Variants in FBXL17 observed in about 807,000 individuals in gnomAD.
The protein encoded by FBXL17 is F-box/LRR-repeat protein 17.
FBXL17 carries 22 observed loss-of-function variants against 66.2 expected under a neutral mutation model. The observed-to-expected ratio is 0.33, with a 90% CI of 0.24 to 0.47. The LOEUF is 0.47. FBXL17 is among the 20% of genes least tolerant of loss of function. The probability of loss-of-function intolerance (pLI) is 1.00; values close to 1 mark genes in which losing one functional copy is unlikely to be tolerated. For missense variants in FBXL17, 878 were observed against 948.2 expected, an observed-to-expected ratio of 0.93 and a Z score of 0.97; for synonymous variants, 474 against 400.5, an observed-to-expected ratio of 1.18 and a Z score of -2.19.
chr5:108,127,030 A>G (rs562686888), intron 6 of FBXL17, among the ~76,000 whole-genome samples: 1 of 152,232 alleles, frequency 6.6e-6, no homozygotes, highest in African/African-American at 2.4e-5. Flanking sequence ...AAATCAGACT[A>G]TATTTACTTC....
chr5:107,965,482 A>G (rs987594999), intron 7 of FBXL17, among the ~76,000 whole-genome samples: 3 of 152,138 alleles, frequency 2.0e-5, no homozygotes, highest in Admixed American at 1.3e-4. Context: ...ATAGAGGTCA[A>G]TGAGTGAGTA....
chr5:108,043,059 A>G (rs1747113989), intron 6 of FBXL17, among the ~76,000 whole-genome samples: 1 of 152,088 alleles, frequency 6.6e-6, no homozygotes. Flanking sequence ...TCATTTACGC[A>G]TTTTCTAACT....
chr5:108,284,127 G>A (rs1757806881), intron 4 of FBXL17, among the ~76,000 whole-genome samples: 1 of 151,886 alleles, frequency 6.6e-6, no homozygotes, highest in South Asian at 2.1e-4. Context: ...ACAGTATGGA[G>A]ATTTCTCATA....
chr5:108,080,979 C>A (rs928739789), intron 6 of FBXL17, among the ~76,000 whole-genome samples: 1 of 152,122 alleles, frequency 6.6e-6, no homozygotes, highest in African/African-American at 2.4e-5. Flanking sequence ...GGATTCTCTA[C>A]AGAATGCAGA....
chr5:108,279,223 G>A (rs1263837630), intron 4 of FBXL17, among the ~76,000 whole-genome samples: 2 of 152,052 alleles, frequency 1.3e-5, no homozygotes, highest in African/African-American at 2.4e-5. Context: ...ATTCAAGAAA[G>A]ACACCTAGAG....
rs186089134 is a variant in FBXL17, at chr5:107,926,406, T to C, written c.1823-45227A>G. On this transcript the variant is annotated intron_variant, in intron 7 of 8. Transcript: ENST00000542267. ...ATATTTGACCTCCCCACCAAACCTG[T>C]ATTACTTGCATCTTCATTTTCTGAT... 1.0e-2 allele frequency among the ~76,000 whole-genome samples: 1,516 copies of C among 152,244 alleles called. 19 individuals are homozygous for C. The highest frequency in any genetic ancestry group is 0.017 in the Non-Finnish European group (1,149 of 68,008).
At chr5:108,326,198 G>A (rs1272145778) in intron 4 of FBXL17, among the ~76,000 whole-genome samples, 4 of 152,032 alleles carry the variant, frequency 2.6e-5, no homozygotes, top group East Asian at 1.9e-4. Context: ...AGATACACAC[G>A]TAGAAAAAGT....
intron 6 of FBXL17, among the ~76,000 whole-genome samples, chr5:108,183,118 G>C (rs1425513356): frequency 1.4e-5 from 2 of 141,276 alleles, no homozygotes; most frequent in Non-Finnish European, 3.0e-5. Flanking sequence ...TTGGCTCACT[G>C]CAACCTCTGC....
intron 6 of FBXL17, among the ~76,000 whole-genome samples, chr5:108,065,744 G>C (rs1250267829): frequency 6.6e-6 from 1 of 152,068 alleles, no homozygotes; most frequent in Non-Finnish European, 1.5e-5. Flanking sequence ...GGTTTTAAAA[G>C]AGTCTCCTTT....
In FBXL17 at chr5:107,899,619, A is replaced by G. The variant is rs1749501335; in HGVS notation, c.1823-18440T>C. 2.0e-5 allele frequency among the ~76,000 whole-genome samples: 3 copies of G among 152,180 alleles called. No individual in the cohort carries two copies. In the South Asian group the frequency reaches 6.2e-4, roughly 32 times the overall value. On this transcript the variant is annotated intron_variant, in intron 7 of 8. Transcript: ENST00000542267. The stretch of plus-strand genomic sequence containing the variant: ...TGCACTGCACTCCAGTCCTCTTAAA[A>G]GAAGATTTTTGATTACATGGGAAGT...
intron 4 of FBXL17, among the ~76,000 whole-genome samples, chr5:108,331,601 T>A (rs1760125465): frequency 6.6e-6 from 1 of 152,238 alleles, no homozygotes; most frequent in African/African-American, 2.4e-5. Context: ...GTGCAATCAT[T>A]TTATCCTTAT....
At chr5:107,909,879 A>G (rs1474731872) in intron 7 of FBXL17, among the ~76,000 whole-genome samples, 1 of 152,208 alleles carries the variant, frequency 6.6e-6, no homozygotes, top group Non-Finnish European at 1.5e-5. Flanking sequence ...TTTCAGGAAT[A>G]AAAGTCAGTC....
At chr5:108,316,648 TACTA>T (rs890263652) in intron 4 of FBXL17, among the ~76,000 whole-genome samples, 1 of 151,438 alleles carries the variant, frequency 6.6e-6, no homozygotes, top group African/African-American at 2.4e-5. Flanking sequence ...TTCATTATTA[TACTA>T]ACTAGATTCA....
intron 6 of FBXL17, among the ~76,000 whole-genome samples, chr5:108,081,501 C>T (rs1748761374): frequency 6.6e-6 from 1 of 151,990 alleles, no homozygotes; most frequent in Admixed American, 6.5e-5. Context: ...GAGAGCGGAT[C>T]ACGAGGTCAG....
intron 4 of FBXL17, among the ~76,000 whole-genome samples, chr5:108,323,741 G>C (rs887733050): frequency 1.3e-5 from 2 of 151,974 alleles, no homozygotes; most frequent in African/African-American, 2.4e-5. Flanking sequence ...CTGGCAAAAA[G>C]ACAGACATAG....
chr5:108,135,392 C>T (rs535409235), intron 6 of FBXL17, among the ~76,000 whole-genome samples: 69 of 152,256 alleles, frequency 4.5e-4, no homozygotes, highest in Middle Eastern at 6.8e-3. Context: ...TTCACCCTTA[C>T]ATGTAAAAGG....
At chr5:108,056,445 T>C (rs1332173220) in intron 6 of FBXL17, among the ~76,000 whole-genome samples, 1 of 152,234 alleles carries the variant, frequency 6.6e-6, no homozygotes, top group Non-Finnish European at 1.5e-5. Context: ...TTTCTGTGAT[T>C]GGTTATGTGC....
chr5:108,020,590 T>C (rs1754555719), intron 7 of FBXL17, among the ~76,000 whole-genome samples: 1 of 151,828 alleles, frequency 6.6e-6, no homozygotes, highest in Non-Finnish European at 1.5e-5. Context: ...ATTTTCTTAG[T>C]TATATTTATT....
At chr5:107,872,073 G>A (rs1015596629) in intron 8 of FBXL17, among the ~76,000 whole-genome samples, 3 of 152,202 alleles carry the variant, frequency 2.0e-5, no homozygotes, top group Admixed American at 1.3e-4. Flanking sequence ...AATTTGACCC[G>A]TTTCCTAAGA....
Sources: gnomAD v4.1 joint callset for allele counts (sites outside exome capture counted in the v4.1 genomes callset) on GRCh38, gnomAD v4.1.1 for gene constraint, MANE v1.5 for transcripts, NCBI Gene and HGNC (gene_info 2026-07-23, HGNC 2026-07-21) for gene names.